TRPM8: variants seen among roughly 807,000 people sequenced by gnomAD.
TRPM8 encodes the protein transient receptor potential cation channel subfamily M member 8.
TRPM8 carries 110 observed loss-of-function variants against 133.7 expected under a neutral mutation model. The ratio of observed to expected loss-of-function variants is 0.82; its 90% confidence interval spans 0.70 to 0.96. TRPM8 has a LOEUF of 0.96. Among genes scored for constraint, TRPM8 ranks in the 40% least tolerant of loss-of-function variants. The pLI is 0.00. For missense variants in TRPM8, 1,291 were observed against 1,379.5 expected (o/e 0.94, Z 1.02); for synonymous variants, 535 against 532.3 (o/e 1.01, Z -0.07).
At chr2:233,956,668 C>T (rs1691301156) in intron 11 of TRPM8, among the ~76,000 whole-genome samples, 1 of 152,176 alleles carries the variant, frequency 6.6e-6, no homozygotes, top group African/African-American at 2.4e-5. Flanking sequence ...TAATCAAAGA[C>T]TAAGACTCGA....
At chr2:233,923,828 G>T (rs575292853) in intron 1 of TRPM8, among the ~76,000 whole-genome samples, 41 of 151,744 alleles carry the variant, frequency 2.7e-4, no homozygotes, top group Non-Finnish European at 4.4e-4. Flanking sequence ...GTCCAGAGCT[G>T]GAAAAAAACA....
Position 233,960,824 on chromosome 2 carries a change from C to T in TRPM8, c.1411C>T (p.Pro471Ser), listed in dbSNP as rs371717473. 2.4e-5 allele frequency: 38 copies of T among 1,614,032 alleles called. No homozygotes were observed. The highest frequency in any genetic ancestry group is 4.0e-5 in the African/African-American group (3 of 74,900). Reference sequence around the variant, plus strand: ...GTTTACGGCTCTCATAAAGGACAGACCCAAGTTTGTCCGCCTCTTTCTGGA... The same window carrying T: ...GTTTACGGCTCTCATAAAGGACAGATCCAAGTTTGTCCGCCTCTTTCTGGA... ...VMFTALIKDRPKFVRLFLENG... is the reference protein window; with the variant it reads ...VMFTALIKDRSKFVRLFLENG... The change falls in exon 12 of 26, where the codon CCC becomes TCC. Residue 471 changes from proline to serine, a missense_variant. Transcript: ENST00000324695.
Position 233,939,166 on chromosome 2 carries a change from CAGTCCAA to C in TRPM8, c.520_526del (p.Ser174ValfsTer13), listed in dbSNP as rs1690840983. 3 of 1,614,044 alleles carry C rather than the reference CAGTCCAA, an allele frequency of 1.9e-6. No individual in the cohort carries two copies. The highest frequency in any genetic ancestry group is 2.5e-6 in the Non-Finnish European group (3 of 1,180,030). ...CTTCAGCCGGCTCATCTACATCGCG[CAGTCCAA>C]AGGTGAGGGTGGGAGCAGCGACCGC... is the stretch of plus-strand genomic sequence containing the variant. On this transcript the variant is annotated frameshift_variant and splice_region_variant, in exon 5 of 26. Coordinates refer to ENST00000324695, the MANE Select transcript of TRPM8 (RefSeq NM_024080.5). LOFTEE classifies it high-confidence loss of function.
chr2:234,008,384 G>T (rs2125399790), intron 24 of TRPM8, among the ~76,000 whole-genome samples: 1 of 152,300 alleles, frequency 6.6e-6, no homozygotes, highest in Non-Finnish European at 1.5e-5. Flanking sequence ...GGCAGGTGAA[G>T]ATGCTTACAA....
At chr2:233,943,884 T>C (rs1690977506) in intron 6 of TRPM8, among the ~76,000 whole-genome samples, 1 of 152,208 alleles carries the variant, frequency 6.6e-6, no homozygotes, top group Non-Finnish European at 1.5e-5. Context: ...TTTTTGGAAT[T>C]GCTGTGATTC....
intron 15 of TRPM8, chr2:233,968,137 C>T (rs1458885573): frequency 6.6e-6 from 1 of 152,198 alleles, no homozygotes; most frequent in African/African-American, 2.4e-5. Context: ...CGGTGATGCT[C>T]AGTGATGGCC....
rs1419544715 is a variant in TRPM8 at position 234,017,337 on chromosome 2, A to C, written c.*81A>C. ...ATGCTGATGAACAATTTTGCTATCG[A>C]CTACTAAATGAGAGATTTTCAGACC... On this transcript the variant is annotated 3_prime_UTR_variant, in exon 26 of 26. Coordinates refer to ENST00000324695, the MANE Select transcript of TRPM8 (RefSeq NM_024080.5). The C allele has an allele frequency of 1.3e-5, 6 of 471,270 alleles. No homozygotes were observed. Among genetic ancestry groups the C allele is most frequent in the Non-Finnish European group, 2.6e-5 (6 of 227,120 alleles). The allele number at this position is 471,270 out of a possible 1,614,324, so 29.2% of individuals were successfully genotyped here. A position where few individuals can be genotyped will look rare whatever the true frequency, so the allele number is the denominator to read the frequency against.
intron 14 of TRPM8, 42 bp downstream of exon 14, chr2:233,964,799 C>A: frequency 6.4e-7 from 1 of 1,555,940 alleles, no homozygotes; most frequent in South Asian, 1.2e-5. Context: ...CGCGGATCTG[C>A]CATGTGGCAC....
chr2:234,011,904 G>A (rs1375948901), intron 24 of TRPM8, among the ~76,000 whole-genome samples: 5 of 103,132 alleles, frequency 4.8e-5, no homozygotes, highest in East Asian at 5.5e-4. Context: ...GAGACAGAGC[G>A]AGACTGTCTC....
intron 4 of TRPM8, among the ~76,000 whole-genome samples, chr2:233,938,090 C>G (rs538414339): frequency 6.6e-6 from 1 of 152,198 alleles, no homozygotes; most frequent in Non-Finnish European, 1.5e-5. Context: ...TGACCCAGCC[C>G]CATCCACTGC....
chr2:233,928,417 G>C (rs1574692000), intron 2 of TRPM8, among the ~76,000 whole-genome samples: 1 of 151,936 alleles, frequency 6.6e-6, no homozygotes, highest in East Asian at 1.9e-4. Context: ...GTTCTGGGGG[G>C]TTCCTTTTTG....
Position 233,951,947 on chromosome 2 carries a change from C to T in TRPM8, c.1140+1801C>T, listed in dbSNP as rs148177950. Among the ~76,000 whole-genome samples, 504 of 152,264 alleles carry T rather than the reference C, an allele frequency of 3.3e-3. 1 individual carries two copies. Among genetic ancestry groups the T allele is most frequent in the African/African-American group, 0.011 (473 of 41,550 alleles). On this transcript the variant is annotated intron_variant, in intron 9 of 25. Coordinates refer to ENST00000324695, the MANE Select transcript of TRPM8 (RefSeq NM_024080.5). ...ACAAGCAGCCCCAAAACCTGGACTC[C>T]CAGTTTCTTGACCACTCTAAGCGAT...
intron 1 of TRPM8, among the ~76,000 whole-genome samples, chr2:233,922,395 G>C (rs895899437): frequency 5.9e-5 from 9 of 152,144 alleles, no homozygotes; most frequent in Non-Finnish European, 1.2e-4. Flanking sequence ...CCTGTGGCTG[G>C]ATAAGCTCCT....
intron 22 of TRPM8, among the ~76,000 whole-genome samples, chr2:233,999,724 C>T (rs6714644): frequency 0.038 from 5,772 of 152,344 alleles, 315 homozygotes; most frequent in African/African-American, 0.12. Flanking sequence ...CTCATTAACT[C>T]ACCTACCATA....
chr2:233,977,762 C>G (rs950111763), intron 17 of TRPM8, among the ~76,000 whole-genome samples: 6 of 152,158 alleles, frequency 3.9e-5, no homozygotes, highest in Non-Finnish European at 5.9e-5. Flanking sequence ...GATCTCTTGT[C>G]CTTCATTATG....
At chr2:233,975,408 G>A (rs1465541244) in intron 17 of TRPM8, among the ~76,000 whole-genome samples, 1 of 152,178 alleles carries the variant, frequency 6.6e-6, no homozygotes, top group Non-Finnish European at 1.5e-5. Flanking sequence ...GGCAGAGGGC[G>A]CTTTGGTGGC....
At chr2:233,969,896 A>G (rs2125222640) in intron 16 of TRPM8, 89 bp downstream of exon 16, 1 of 903,484 alleles carries the variant, frequency 1.1e-6, no homozygotes, top group South Asian at 1.5e-5. Context: ...GTAAATGATT[A>G]AAAAGCCTGG....
chr2:234,004,483 C>T (rs1420936952), intron 22 of TRPM8, among the ~76,000 whole-genome samples: 1 of 152,196 alleles, frequency 6.6e-6, no homozygotes, highest in Non-Finnish European at 1.5e-5. Flanking sequence ...TTTGCTTTGC[C>T]TCCAAATGGT....
At position 233,930,609 on chromosome 2, in the gene TRPM8, A is replaced by G. The variant is rs1016737419; in HGVS notation, c.118-59A>G. On this transcript the variant is annotated intron_variant, in intron 2 of 25. Coordinates refer to ENST00000324695, the MANE Select transcript of TRPM8 (RefSeq NM_024080.5). The stretch of plus-strand genomic sequence containing the variant: ...GTTACATCATATTTAGTATTCATCA[A>G]TATCAGCAAGGGGTGAGAATAAATT... 7 of 1,193,514 alleles carry G rather than the reference A, an allele frequency of 5.9e-6. No homozygotes were observed. In the African/African-American group the frequency reaches 9.1e-5, roughly 16 times the overall value. 73.9% of individuals were successfully genotyped at this position (1,193,514 alleles called of 1,614,324 possible).
Sources: gnomAD v4.1 joint callset for allele counts (sites outside exome capture counted in the v4.1 genomes callset) on GRCh38, gnomAD v4.1.1 for gene constraint, MANE v1.5 for transcripts, NCBI Gene and HGNC (gene_info 2026-07-23, HGNC 2026-07-21) for gene names.